Variants in TXNRD3 observed in about 807,000 individuals in gnomAD.
TXNRD3 encodes TXNRD3 neighbor gene protein.
A neutral mutation model predicts 78.2 loss-of-function variants in TXNRD3; 68 were observed. The observed-to-expected ratio is 0.87, with a 90% CI of 0.72 to 1.06. The LOEUF is 1.06. TXNRD3 is among the 50% of genes least tolerant of loss of function. TXNRD3 has a pLI of 0.00. For synonymous variants in TXNRD3, 296 were observed against 300.1 expected (o/e 0.99, Z 0.14); for missense variants, 751 against 809.5 (o/e 0.93, Z 0.88).
chr3:126,638,283 T>C (rs1210310139), intron 6 of TXNRD3, among the ~76,000 whole-genome samples: 2 of 152,120 alleles, frequency 1.3e-5, no homozygotes, highest in African/African-American at 2.4e-5. Flanking sequence ...TGCAAGTATC[T>C]AGAACATTCT....
At position 126,608,616 on chromosome 3, in the gene TXNRD3, A is replaced by G; in HGVS notation, c.1746T>C (p.Phe582=). ...CACCGGCGTTTGGTCCAAGAATATGAAATCCTATCACCCGATCCTTTAATA... is the reference window on the plus strand; with the variant it reads ...CACCGGCGTTTGGTCCAAGAATATGGAATCCTATCACCCGATCCTTTAATA... Residue 582 remains phenylalanine, a synonymous_variant, in exon 15 of 16, where the codon TTT becomes TTC. Coordinates refer to ENST00000524230, the MANE Select transcript of TXNRD3 (RefSeq NM_052883.3). 6.5e-7 allele frequency: 1 copy of G among 1,535,642 alleles called. No homozygotes were observed. Among genetic ancestry groups the G allele is most frequent in the African/African-American group, 1.4e-5 (1 of 73,128 alleles).
intron 10 of TXNRD3, among the ~76,000 whole-genome samples, chr3:126,628,704 T>C (rs1938637881): frequency 6.6e-6 from 1 of 152,102 alleles, no homozygotes; most frequent in South Asian, 2.1e-4. Context: ...ACCATGTTCA[T>C]GGGTGGGAAG....
intron 11 of TXNRD3, 102 bp from the exon 12 acceptor site, chr3:126,622,000 T>C (rs1938468679): frequency 1.0e-6 from 1 of 990,200 alleles, no homozygotes; most frequent in Non-Finnish European, 1.4e-6. Flanking sequence ...AGAAGACCTC[T>C]TAAAATTCAC....
intron 4 of TXNRD3, 67 bp downstream of exon 4, chr3:126,644,230 T>C (rs1326801055): frequency 5.0e-6 from 7 of 1,413,652 alleles, no homozygotes; most frequent in Non-Finnish European, 6.7e-6. Flanking sequence ...TTTTTTTAAG[T>C]AGCAGAAGAA....
intron 12 of TXNRD3, among the ~76,000 whole-genome samples, 179 bp from the exon 13 acceptor site, chr3:126,615,641 A>C (rs925368181): frequency 6.6e-6 from 1 of 152,176 alleles, no homozygotes; most frequent in Non-Finnish European, 1.5e-5. Context: ...TGGGCCCCTG[A>C]CTCAGGGGAA....
intron 12 of TXNRD3, among the ~76,000 whole-genome samples, chr3:126,619,512 T>C (rs1288583651): frequency 6.6e-6 from 1 of 152,074 alleles, no homozygotes; most frequent in African/African-American, 2.4e-5. Flanking sequence ...AAAAAGTTGA[T>C]CTTATAGAAG....
chr3:126,636,907 C>T (rs900527562), intron 6 of TXNRD3, among the ~76,000 whole-genome samples: 3 of 151,336 alleles, frequency 2.0e-5, no homozygotes, highest in African/African-American at 2.4e-5. Context: ...TTTCTTAAAA[C>T]ATGAGGTTTC....
At chr3:126,648,084 C>T (rs1258547567) in intron 1 of TXNRD3, among the ~76,000 whole-genome samples, 4 of 151,938 alleles carry the variant, frequency 2.6e-5, no homozygotes, top group Non-Finnish European at 5.9e-5. Flanking sequence ...CAATAACGAA[C>T]AATCCAAAAT....
rs1013770284 is a variant in TXNRD3, at chr3:126,615,415, A to G, written c.1572T>C (p.Tyr524=). ...TCTCTTCAGATAATCCACAGCAACC[A>G]TACTCCAGAGGAGTAAACACTGTAG... Residue 524 remains tyrosine, a synonymous_variant, in exon 13 of 16, where the codon TAT becomes TAC. Transcript: ENST00000524230. The G allele has an allele frequency of 6.6e-7, 1 of 1,522,806 alleles. No individual in the cohort carries two copies. Among genetic ancestry groups the G allele is most frequent in the Admixed American group, 2.1e-5 (1 of 48,432 alleles). The allele number at this position is 1,522,806 out of a possible 1,614,324, so 94.3% of individuals were successfully genotyped here.
At chr3:126,624,556 A>G (rs200713949) in intron 10 of TXNRD3, among the ~76,000 whole-genome samples, 1 of 151,812 alleles carries the variant, frequency 6.6e-6, no homozygotes, top group Non-Finnish European at 1.5e-5. Context: ...GAGTAGCTGG[A>G]ACTACAGGCG....
At position 126,648,824 on chromosome 3, in the gene TXNRD3, C is replaced by A. The variant is rs150933826; in HGVS notation, c.244-1528G>T. The stretch of plus-strand genomic sequence containing the variant: ...GATATGATCTCAAAGGCACAAGCAA[C>A]AAAAGAAACAACAGACAAATAGCAC... On this transcript the variant is annotated intron_variant, in intron 1 of 15. Transcript: ENST00000524230. Among the ~76,000 whole-genome samples, 392 of 152,268 alleles carry A rather than the reference C, an allele frequency of 2.6e-3. 2 individuals carry two copies. The highest frequency in any genetic ancestry group is 9.1e-3 in the African/African-American group (379 of 41,566).
intron 1 of TXNRD3, 144 bp downstream of exon 1, chr3:126,654,604 C>T (rs1366290218): frequency 5.6e-6 from 2 of 354,696 alleles, no homozygotes; most frequent in South Asian, 1.4e-4. Flanking sequence ...AGGGGACGAC[C>T]GGGGAGAGGA....
At chr3:126,650,642 GAA>G (rs879891867) in intron 1 of TXNRD3, among the ~76,000 whole-genome samples, 2 of 139,314 alleles carry the variant, frequency 1.4e-5, no homozygotes, top group Non-Finnish European at 1.6e-5. Context: ...CCCCATCTCA[GAA>G]AAAAAAAAAA....
chr3:126,610,335 G>C (rs746950076), intron 14 of TXNRD3, among the ~76,000 whole-genome samples: 5 of 152,190 alleles, frequency 3.3e-5, no homozygotes, highest in African/African-American at 4.8e-5. Context: ...AACTCTTCAA[G>C]AGAAGAACCA....
At chr3:126,634,745 G>C (rs1025993221) in intron 6 of TXNRD3, among the ~76,000 whole-genome samples, 1 of 152,120 alleles carries the variant, frequency 6.6e-6, no homozygotes, top group African/African-American at 2.4e-5. Flanking sequence ...ATAAGATGCA[G>C]GGGTCAGCCC....
In TXNRD3 at chr3:126,646,114, G is replaced by T. The variant is rs749759648; in HGVS notation, c.411C>A (p.Phe137Leu). ...GAACATATAATAGTATTATTACCTG[G>T]AAAGTTTGGTCACATCCACCTACAT... The change falls in exon 3 of 16, where the codon TTC becomes TTA. Residue 137 changes from phenylalanine to leucine, a missense_variant. Transcript: ENST00000524230. 8.6e-6 allele frequency: 13 copies of T among 1,519,718 alleles called. No individual in the cohort carries two copies. The South Asian group carries it at 1.6e-4, about 19-fold the overall frequency. 94.1% of individuals were successfully genotyped at this position (1,519,718 alleles called of 1,614,324 possible). A position where few individuals can be genotyped will look rare whatever the true frequency, so the allele number is the denominator to read the frequency against.
At chr3:126,645,509 A>G (rs148334746) in intron 3 of TXNRD3, among the ~76,000 whole-genome samples, 7 of 152,298 alleles carry the variant, frequency 4.6e-5, no homozygotes, top group African/African-American at 1.4e-4. Flanking sequence ...CAAAAATATA[A>G]TTCTTAATTA....
At chr3:126,621,111 C>T (rs6796916) in intron 12 of TXNRD3, among the ~76,000 whole-genome samples, 84,669 of 151,942 alleles carry the variant, frequency 0.56, 24,182 homozygotes, top group East Asian at 0.63. Context: ...AAGTCCTCCG[C>T]TTCCTCAATT....
rs541333258 is a variant in TXNRD3, at chr3:126,629,254, A to G, written c.1290+125T>C. The G allele has an allele frequency of 1.9e-5, 13 of 698,096 alleles. No individual in the cohort carries two copies. In the South Asian group the frequency reaches 2.6e-4, roughly 14 times the overall value. The allele number at this position is 698,096 out of a possible 1,614,324, so 43.2% of individuals were successfully genotyped here. On this transcript the variant is annotated intron_variant, in intron 10 of 15. Transcript: ENST00000524230. ...CAGTAGCCAAATTATCTTCTATGAT[A>G]ATGCTCTTACAAAGAATAAAAAAAG...
Sources: allele counts gnomAD v4.1 joint callset (sites outside exome capture counted in the v4.1 genomes callset), GRCh38; gene constraint gnomAD v4.1.1; transcripts MANE v1.5; gene names NCBI Gene and HGNC (gene_info 2026-07-23, HGNC 2026-07-21).